The following MYO10 variants were observed in gnomAD, a reference collection of about 807,000 sequenced individuals.
MYO10 encodes unconventional myosin-X.
In MYO10, 133 loss-of-function variants were observed where a neutral mutation model predicts 257.3. The observed-to-expected ratio is 0.52, with a 90% CI of 0.45 to 0.60. The LOEUF is 0.60. MYO10 is among the 20% of genes least tolerant of loss of function. The pLI, the probability that MYO10 is intolerant of heterozygous loss-of-function variation, is 0.00. For synonymous variants in MYO10, 1,104 were observed against 1,028.6 expected, an observed-to-expected ratio of 1.07 and a Z score of -1.40; for missense variants, 2,399 against 2,635.7, an observed-to-expected ratio of 0.91 and a Z score of 1.97.
intron 18 of MYO10, among the ~76,000 whole-genome samples, chr5:16,757,820 G>A (rs746147012): frequency 5.3e-5 from 8 of 151,982 alleles, no homozygotes; most frequent in Non-Finnish European, 7.4e-5. Context: ...ATGCGCCACC[G>A]CACCCAGATA....
chr5:16,749,795 C>T (rs1740329583), intron 19 of MYO10, among the ~76,000 whole-genome samples: 1 of 152,238 alleles, frequency 6.6e-6, no homozygotes, highest in Non-Finnish European at 1.5e-5. Context: ...CAACTGCGGG[C>T]AACTGGTTCT....
intron 1 of MYO10, among the ~76,000 whole-genome samples, chr5:16,911,463 G>C (rs768764763): frequency 4.2e-4 from 64 of 152,180 alleles, no homozygotes; most frequent in Non-Finnish European, 6.8e-4. Context: ...CTGGGCACTG[G>C]GCTCACACCT....
At chr5:16,921,842 G>A (rs1182401741) in intron 1 of MYO10, among the ~76,000 whole-genome samples, 3 of 151,990 alleles carry the variant, frequency 2.0e-5, no homozygotes, top group Non-Finnish European at 4.4e-5. Flanking sequence ...AGGCCAGGGA[G>A]GCTGCTCAGA....
rs1164201668 is a variant in MYO10, at chr5:16,701,613, G to A, written c.2782C>T (p.Arg928Cys). Reference sequence around the variant, plus strand: ...CTGCACGCTTCCTCCTCCAGCCTGCGGAGCTCCTGGTCCCGCCGCTCCTGC... The same window carrying A: ...CTGCACGCTTCCTCCTCCAGCCTGCAGAGCTCCTGGTCCCGCCGCTCCTGC... The part of the protein sequence containing the change: ...KLQERRDQEL[R>C]RLEEEACRAA... Residue 928 changes from arginine to cysteine, a missense_variant, in exon 25 of 41, where the codon CGC becomes TGC. Around this residue, in one of 3 missense-constraint regions of MYO10, gnomAD observed 1,820 missense variants for 1,939.4 expected, o/e 0.94. Coordinates refer to ENST00000513610, the MANE Select transcript of MYO10 (RefSeq NM_012334.3). This position sits in a 1 kb window ranked among gnomAD's most constrained non-coding sequence, Gnocchi z 8.1. 8.7e-6 allele frequency: 14 copies of A among 1,612,282 alleles called. No individual in the cohort carries two copies. The highest frequency in any genetic ancestry group is 4.0e-5 in the African/African-American group (3 of 74,904).
intron 19 of MYO10, among the ~76,000 whole-genome samples, chr5:16,754,062 T>A (rs995044651): frequency 1.3e-5 from 2 of 152,192 alleles, no homozygotes; most frequent in African/African-American, 2.4e-5. Context: ...TTAAATTACA[T>A]AAAAATTACA....
At chr5:16,856,914 G>T (rs980178944) in intron 2 of MYO10, among the ~76,000 whole-genome samples, 2 of 152,176 alleles carry the variant, frequency 1.3e-5, no homozygotes, top group African/African-American at 4.8e-5. Context: ...AGAAATCTAT[G>T]GAAACTTTGG....
chr5:16,738,236 C>G, intron 19 of MYO10: 1 of 985,198 alleles, frequency 1.0e-6, no homozygotes, highest in Non-Finnish European at 1.2e-6. Flanking sequence ...CCAGAGGAAC[C>G]AGTCAAGAGG....
chr5:16,816,723 G>T (rs995403543), intron 3 of MYO10, among the ~76,000 whole-genome samples: 1 of 150,776 alleles, frequency 6.6e-6, no homozygotes, highest in Non-Finnish European at 1.5e-5. Flanking sequence ...TAGAGACGGG[G>T]ATTCACCATG....
In MYO10 at chr5:16,779,573, C is replaced by G. The variant is rs1017931576; in HGVS notation, c.902G>C (p.Ser301Thr). 11 of 1,586,750 alleles carry G rather than the reference C, an allele frequency of 6.9e-6. No individual in the cohort carries two copies. Among genetic ancestry groups the G allele is most frequent in the Non-Finnish European group, 9.4e-6 (11 of 1,170,592 alleles). Residue 301 changes from serine to threonine, a missense_variant, in exon 9 of 41, where the codon AGT (serine) becomes ACT (threonine). Around this residue, in one of 3 missense-constraint regions of MYO10, gnomAD observed 337 missense variants for 446.8 expected, o/e 0.75. Coordinates refer to ENST00000513610, the MANE Select transcript of MYO10 (RefSeq NM_012334.3). ...AACTTCCCTAAAGGATTCCTGGTCACTGATTGTCTTGTCTTCTACACATCC... is the reference window on the plus strand; with the variant it reads ...AACTTCCCTAAAGGATTCCTGGTCAGTGATTGTCTTGTCTTCTACACATCC... ...QSGCVEDKTI[S>T]DQESFREVIT...
chr5:16,810,490 C>G (rs1742403373), intron 3 of MYO10, among the ~76,000 whole-genome samples: 1 of 152,178 alleles, frequency 6.6e-6, no homozygotes, highest in South Asian at 2.1e-4. Context: ...GAGAAATTCT[C>G]CTTTCAGAAA....
chr5:16,710,818 AT>A, intron 21 of MYO10, 89 bp downstream of exon 21: 1 of 1,051,852 alleles, frequency 9.5e-7, no homozygotes, highest in South Asian at 1.4e-5. Context: ...GAACAATTGT[AT>A]AGCGGTGTCA....
chr5:16,700,420 T>C (rs1027093139), intron 25 of MYO10, among the ~76,000 whole-genome samples: 4 of 152,238 alleles, frequency 2.6e-5, no homozygotes, highest in Non-Finnish European at 4.4e-5. Context: ...CTCACGCCTG[T>C]AATCCCAGCA....
chr5:16,820,639 G>A (rs982301886), intron 2 of MYO10, among the ~76,000 whole-genome samples: 1 of 152,208 alleles, frequency 6.6e-6, no homozygotes, highest in East Asian at 1.9e-4. Context: ...CCTTCTCAAC[G>A]TGAAAACAAA....
intron 1 of MYO10, among the ~76,000 whole-genome samples, chr5:16,904,928 C>CA (rs994453838): frequency 1.1e-4 from 17 of 150,684 alleles, no homozygotes; most frequent in South Asian, 2.1e-4. Context: ...GACTCCATCT[C>CA]AAAAAAAAAG....
chr5:16,905,392 C>T (rs1366121496), intron 1 of MYO10, among the ~76,000 whole-genome samples: 1 of 152,184 alleles, frequency 6.6e-6, no homozygotes, highest in Non-Finnish European at 1.5e-5. Flanking sequence ...CCAGAGTCCA[C>T]TGCTCTCAAC....
chr5:16,901,028 G>A (rs2126784281), intron 1 of MYO10, among the ~76,000 whole-genome samples: 1 of 152,166 alleles, frequency 6.6e-6, no homozygotes, highest in South Asian at 2.1e-4. Context: ...ACCACGCCTG[G>A]CCCCTTGCTT....
In MYO10 at chr5:16,702,941, G is replaced by C. The variant is rs746827671; in HGVS notation, c.2494C>G (p.Arg832Gly). The change falls in exon 23 of 41, where the codon CGG becomes GGG. Residue 832 changes from arginine (R) to glycine (G), a missense_variant. Physicochemically the swap from Arg to Gly is moderately radical, Grantham distance 125. Transcript: ENST00000513610. ...KKQEEEEKKK[R>G]EEEERERERE... ...GTACTGTACCTTTCTTCTTCCTCCCGTTTCTTCTTTTCTTCCTCTTCCTGT... is the reference window on the plus strand; with the variant it reads ...GTACTGTACCTTTCTTCTTCCTCCCCTTTCTTCTTTTCTTCCTCTTCCTGT... 4 of 1,551,234 alleles carry C rather than the reference G, an allele frequency of 2.6e-6. No homozygotes were observed. Among genetic ancestry groups the C allele is most frequent in the Non-Finnish European group, 3.5e-6 (4 of 1,146,932 alleles).
At chr5:16,895,794 A>T (rs1246566758) in intron 1 of MYO10, among the ~76,000 whole-genome samples, 6 of 128,978 alleles carry the variant, frequency 4.7e-5, no homozygotes, top group Non-Finnish European at 1.1e-4. Context: ...ACACACACAC[A>T]CACACACACT....
intron 1 of MYO10, among the ~76,000 whole-genome samples, chr5:16,915,708 C>A (rs1287188061): frequency 1.3e-5 from 2 of 152,228 alleles, no homozygotes; most frequent in Admixed American, 1.3e-4. Flanking sequence ...ACAATCCCAG[C>A]ACTTTGGTAG....
Sources: allele counts gnomAD v4.1 joint callset (sites outside exome capture counted in the v4.1 genomes callset), GRCh38; gene constraint gnomAD v4.1.1; regional missense constraint gnomAD v4.1.1; non-coding constraint Gnocchi (gnomAD v3.1); transcripts MANE v1.5; gene names NCBI Gene and HGNC (gene_info 2026-07-23, HGNC 2026-07-21).